The following SWAP70 variants were observed in gnomAD, a reference collection of about 807,000 sequenced individuals.
SWAP70 encodes switching B cell complex subunit SWAP70, also known as switch-associated protein 70.
A neutral mutation model predicts 80.2 loss-of-function variants in SWAP70; 34 were observed. The ratio of observed to expected loss-of-function variants is 0.42; its 90% CI spans 0.32 to 0.56. The LOEUF (loss-of-function observed/expected upper bound fraction) is 0.56. Among genes scored for constraint, SWAP70 ranks in the 20% least tolerant of loss-of-function variants. The probability of loss-of-function intolerance (pLI) is 0.09; values close to 1 mark genes in which losing one functional copy is unlikely to be tolerated. For synonymous variants in SWAP70, 239 were observed against 238.5 expected, an observed-to-expected ratio of 1.00 and a Z score of -0.02; for missense variants, 578 against 690.7, an observed-to-expected ratio of 0.84 and a Z score of 1.83.
chr11:9,719,518 A>G, intron 3 of SWAP70, among the ~76,000 whole-genome samples: 1 of 152,188 alleles, frequency 6.6e-6, no homozygotes, highest in East Asian at 1.9e-4. Context: ...ACTGGGCAAC[A>G]AAGCGAGACT....
At chr11:9,716,408 T>G (rs540513420) in intron 3 of SWAP70, among the ~76,000 whole-genome samples, 1 of 152,134 alleles carries the variant, frequency 6.6e-6, no homozygotes, top group Non-Finnish European at 1.5e-5. Flanking sequence ...GGGAATAATA[T>G]AGTATATTTG....
chr11:9,669,497 T>A (rs754517273), intron 1 of SWAP70, among the ~76,000 whole-genome samples: 22 of 152,196 alleles, frequency 1.4e-4, no homozygotes, highest in Non-Finnish European at 2.9e-4. Flanking sequence ...CCCAAAGTGC[T>A]GGGATTATGG....
intron 3 of SWAP70, chr11:9,720,498 G>T: frequency 1.0e-6 from 1 of 985,336 alleles, no homozygotes; most frequent in Non-Finnish European, 1.2e-6. Context: ...GTGAGGAAGA[G>T]CTAAGGCTGA....
At chr11:9,703,279 G>T (rs181235149) in intron 2 of SWAP70, 1 of 442,330 alleles carries the variant, frequency 2.3e-6, no homozygotes, top group African/African-American at 2.0e-5. Flanking sequence ...TTTTATGGCT[G>T]AATAACATTC....
intron 1 of SWAP70, among the ~76,000 whole-genome samples, chr11:9,674,074 A>AT (rs1384942211): frequency 4.6e-5 from 7 of 151,796 alleles, no homozygotes; most frequent in Non-Finnish European, 1.0e-4. Context: ...TAATTTTTGT[A>AT]TTTTTTAGTA....
At chr11:9,695,564 G>A (rs1265285825) in intron 2 of SWAP70, among the ~76,000 whole-genome samples, 1 of 139,372 alleles carries the variant, frequency 7.2e-6, no homozygotes, top group Non-Finnish European at 1.5e-5. Flanking sequence ...AGTGGGAGTT[G>A]AACAATGAGA....
rs1164580320 is a variant in SWAP70, at chr11:9,728,151, G to C, written c.741G>C (p.Leu247=). 6.2e-7 allele frequency: 1 copy of C among 1,612,936 alleles called. No individual in the cohort carries two copies. Among genetic ancestry groups the C allele is most frequent in the African/African-American group, 1.3e-5 (1 of 74,758 alleles). The change falls in exon 5 of 12, where the codon CTG becomes CTC. Residue 247 remains leucine (L), a synonymous_variant. Transcript: ENST00000318950. ...TTTCTTACTATGTGAGTGAGGATCT[G>C]AAGGATAAGAAAGGAGACATTCTCT... The part of the protein sequence containing the change: ...NIISYYVSED[L]KDKKGDILLD...
chr11:9,742,586 C>T (rs780802880), intron 9 of SWAP70, among the ~76,000 whole-genome samples: 4 of 152,180 alleles, frequency 2.6e-5, no homozygotes, highest in East Asian at 1.9e-4. Flanking sequence ...CCGCCTGTCT[C>T]GGTCTCCCAA....
rs1273714336 is a variant in SWAP70 at position 9,664,122 on chromosome 11, C to G, written c.-58C>G. The G allele has an allele frequency of 1.9e-5, 28 of 1,495,162 alleles. No individual in the cohort carries two copies. In the East Asian group the frequency reaches 5.7e-4, roughly 31 times the overall value. The allele number at this position is 1,495,162 out of a possible 1,614,324, so 92.6% of individuals were successfully genotyped here. Reference sequence around the variant, plus strand: ...GTGGCTGCGGAGGTTGAGGGGCGTCCGAGGCGCGGAGGGGCTGGCTGGGCA... The same window carrying G: ...GTGGCTGCGGAGGTTGAGGGGCGTCGGAGGCGCGGAGGGGCTGGCTGGGCA... On this transcript the variant is annotated 5_prime_UTR_variant, in exon 1 of 12. Transcript: ENST00000318950.
chr11:9,673,220 T>G (rs1850442826), intron 1 of SWAP70, among the ~76,000 whole-genome samples: 1 of 152,234 alleles, frequency 6.6e-6, no homozygotes, highest in Non-Finnish European at 1.5e-5. Flanking sequence ...TGGACCAGCT[T>G]CAAGTTGGGT....
intron 2 of SWAP70, among the ~76,000 whole-genome samples, chr11:9,705,006 G>C (rs779337705): frequency 2.1e-5 from 3 of 142,814 alleles, no homozygotes; most frequent in Non-Finnish European, 1.6e-5. Flanking sequence ...ACAAATGGTT[G>C]ATCTGTATAC....
intron 1 of SWAP70, among the ~76,000 whole-genome samples, chr11:9,670,806 C>G (rs1850366784): frequency 6.6e-6 from 1 of 151,652 alleles, no homozygotes; most frequent in Non-Finnish European, 1.5e-5. Context: ...CAGGCTGGAG[C>G]ACAGTGGGGC....
chr11:9,737,226 C>T (rs1851374368), intron 7 of SWAP70, among the ~76,000 whole-genome samples: 2 of 152,174 alleles, frequency 1.3e-5, no homozygotes, highest in Admixed American at 1.3e-4. Flanking sequence ...GGTATCATAG[C>T]CCTAGGCTTG....
At chr11:9,697,908 T>G (rs1347936342) in intron 2 of SWAP70, among the ~76,000 whole-genome samples, 1 of 151,984 alleles carries the variant, frequency 6.6e-6, no homozygotes, top group African/African-American at 2.4e-5. Flanking sequence ...CCTCAGCCTC[T>G]TGAGTAGTAA....
intron 4 of SWAP70, among the ~76,000 whole-genome samples, chr11:9,725,275 GC>G (rs1325634371): frequency 7.3e-5 from 11 of 151,724 alleles, no homozygotes; most frequent in Non-Finnish European, 1.5e-4. Context: ...ACTGGGCCTG[GC>G]CTGATTTTGA....
At chr11:9,740,079 T>G in intron 8 of SWAP70, 102 bp from the exon 9 acceptor site, 1 of 1,037,236 alleles carries the variant, frequency 9.6e-7, no homozygotes, top group East Asian at 2.5e-5. Context: ...GCCACCCTGA[T>G]GGGCTGAGGC....
rs1405081402 is a variant in SWAP70, at chr11:9,751,280, C to T, written c.*1310C>T. On this transcript the variant is annotated 3_prime_UTR_variant, in exon 12 of 12. Coordinates refer to ENST00000318950, the MANE Select transcript of SWAP70 (RefSeq NM_015055.4). ...TCTGTGGTGACAACGGAGGAAATAT[C>T]CAACAGAAATACGTCTAACAGGGAA... The T allele has an allele frequency of 6.6e-6, 1 of 152,146 alleles. No individual in the cohort carries two copies. Among genetic ancestry groups the T allele is most frequent in the Non-Finnish European group, 1.5e-5 (1 of 68,038 alleles). The allele number at this position is 152,146 out of a possible 1,614,324, so 9.4% of individuals were successfully genotyped here.
intron 1 of SWAP70, among the ~76,000 whole-genome samples, chr11:9,668,544 T>C (rs537401458): frequency 6.6e-6 from 1 of 152,286 alleles, no homozygotes; most frequent in African/African-American, 2.4e-5. Flanking sequence ...TGGCTGGGAG[T>C]AGAGTTTTTG....
chr11:9,730,866 A>G (rs11607169), intron 6 of SWAP70, among the ~76,000 whole-genome samples: 21,140 of 152,152 alleles, frequency 0.14, 1,890 homozygotes, highest in Non-Finnish European at 0.2. Context: ...GGTATGATTG[A>G]ATCTATCACC....
Sources: gnomAD v4.1 joint callset for allele counts (sites outside exome capture counted in the v4.1 genomes callset) on GRCh38, gnomAD v4.1.1 for gene constraint, MANE v1.5 for transcripts, NCBI Gene and HGNC (gene_info 2026-07-23, HGNC 2026-07-21) for gene names.